Variants in PTPRD observed in about 807,000 individuals in gnomAD.
The protein encoded by PTPRD is receptor-type tyrosine-protein phosphatase delta.
Under a neutral mutation model 214.5 loss-of-function variants are expected in PTPRD, and 34 were observed. That is an observed-to-expected ratio of 0.16 (90% CI 0.12 to 0.21). The LOEUF is 0.21. Ranked by LOEUF, PTPRD falls within the 10% of genes least tolerant of loss-of-function variation. PTPRD has a pLI of 1.00. For synonymous variants in PTPRD, 1,128 were observed against 845.7 expected (o/e 1.33, Z -5.79); for missense variants, 2,545 against 2,398.7 (o/e 1.06, Z -1.27).
At chr9:8,582,068 T>A (rs1215715748) in intron 14 of PTPRD, among the ~76,000 whole-genome samples, 12 of 151,824 alleles carry the variant, frequency 7.9e-5, no homozygotes, top group Non-Finnish European at 1.8e-4. Flanking sequence ...AAATATAAAC[T>A]ATTGGAAGTG....
chr9:10,126,677 G>A (rs1181008624), intron 3 of PTPRD, among the ~76,000 whole-genome samples: 2 of 151,906 alleles, frequency 1.3e-5, no homozygotes, highest in African/African-American at 4.8e-5. Context: ...TTTATAACAT[G>A]TTCAGGAAAA....
intron 11 of PTPRD, among the ~76,000 whole-genome samples, chr9:8,875,477 T>C (rs2154211879): frequency 6.6e-6 from 1 of 152,268 alleles, no homozygotes; most frequent in Non-Finnish European, 1.5e-5. Flanking sequence ...CAGAATAACA[T>C]TAGGAATTCT....
intron 11 of PTPRD, among the ~76,000 whole-genome samples, chr9:8,849,554 C>T (rs2570304): frequency 0.36 from 54,856 of 151,912 alleles, 13,751 homozygotes; most frequent in African/African-American, 0.72. Context: ...CTCAATTCAA[C>T]GAAAAGGAAT....
chr9:9,820,381 T>C (rs2050287445), intron 5 of PTPRD, among the ~76,000 whole-genome samples: 1 of 152,182 alleles, frequency 6.6e-6, no homozygotes, highest in African/African-American at 2.4e-5. Flanking sequence ...ATTGTGAATA[T>C]TAGGCCTTTG....
At chr9:9,053,840 C>T (rs1254544391) in intron 10 of PTPRD, among the ~76,000 whole-genome samples, 1 of 152,036 alleles carries the variant, frequency 6.6e-6, no homozygotes, top group Non-Finnish European at 1.5e-5. Context: ...TTCTAATGCA[C>T]TTATGGTACA....
chr9:8,855,617 AT>A (rs1182597146), intron 11 of PTPRD, among the ~76,000 whole-genome samples: 5 of 152,194 alleles, frequency 3.3e-5, no homozygotes, highest in African/African-American at 7.2e-5. Flanking sequence ...AGAACAGATG[AT>A]TTCTATGCAA....
chr9:10,547,972 T>C (rs1216730314), intron 2 of PTPRD, among the ~76,000 whole-genome samples: 3 of 152,078 alleles, frequency 2.0e-5, no homozygotes, highest in Non-Finnish European at 4.4e-5. Flanking sequence ...AAAGACATGT[T>C]TACAAACATG....
chr9:9,934,082 T>C (rs892358329), intron 5 of PTPRD, among the ~76,000 whole-genome samples: 1 of 147,042 alleles, frequency 6.8e-6, no homozygotes, highest in Admixed American at 6.7e-5. Flanking sequence ...CAAAGCAGTG[T>C]GTAGAGGGAA....
At chr9:8,536,306 T>C (rs1461039995) in intron 14 of PTPRD, among the ~76,000 whole-genome samples, 1 of 151,988 alleles carries the variant, frequency 6.6e-6, no homozygotes, top group Admixed American at 6.6e-5. Context: ...TCCTTTACTT[T>C]TATTTTTTAA....
chr9:9,007,474 T>TTTA (rs377729535), intron 11 of PTPRD, among the ~76,000 whole-genome samples: 80,749 of 147,252 alleles, frequency 0.55, 22,043 homozygotes, highest in Non-Finnish European at 0.62. Context: ...TAAAAATATA[T>TTTA]TTTTTTTTAT....
At chr9:8,827,972 A>T (rs1305353744) in intron 11 of PTPRD, among the ~76,000 whole-genome samples, 1 of 152,194 alleles carries the variant, frequency 6.6e-6, no homozygotes, top group Non-Finnish European at 1.5e-5. Flanking sequence ...TCCCCTAAAC[A>T]ATAAGATAAT....
chr9:9,594,760 C>T (rs62534668), intron 7 of PTPRD, among the ~76,000 whole-genome samples: 1 of 151,878 alleles, frequency 6.6e-6, no homozygotes, highest in East Asian at 1.9e-4. Context: ...CGGCTTTTTG[C>T]ACAGCAAAAG....
intron 5 of PTPRD, among the ~76,000 whole-genome samples, chr9:9,924,026 C>A (rs972822505): frequency 6.6e-6 from 1 of 151,896 alleles, no homozygotes; most frequent in African/African-American, 2.4e-5. Context: ...GAAATCATCA[C>A]TAACAACTTT....
At chr9:9,064,733 C>G (rs755567592) in intron 10 of PTPRD, among the ~76,000 whole-genome samples, 9 of 152,174 alleles carry the variant, frequency 5.9e-5, no homozygotes, top group Non-Finnish European at 1.3e-4. Context: ...TTAGTATGGA[C>G]ATTCGGTCAG....
intron 9 of PTPRD, among the ~76,000 whole-genome samples, chr9:9,306,940 G>T (rs1317046261): frequency 1.3e-5 from 2 of 152,138 alleles, no homozygotes; most frequent in African/African-American, 2.4e-5. Context: ...TGAAGTCTAG[G>T]AAGAGACAAA....
intron 8 of PTPRD, among the ~76,000 whole-genome samples, chr9:9,523,152 T>TA (rs531004527): frequency 2.0e-5 from 3 of 152,274 alleles, no homozygotes; most frequent in African/African-American, 4.8e-5. Context: ...TTATAATTTT[T>TA]AAAAAAATGC....
intron 5 of PTPRD, among the ~76,000 whole-genome samples, chr9:9,826,040 G>C (rs753496881): frequency 7.9e-5 from 12 of 151,546 alleles, no homozygotes; most frequent in Non-Finnish European, 1.6e-4. Flanking sequence ...TCATAATTTT[G>C]AGTTATCTGT....
chr9:9,923,361 CA>C (rs2083216793), intron 5 of PTPRD, among the ~76,000 whole-genome samples: 1 of 148,716 alleles, frequency 6.7e-6, no homozygotes, highest in Non-Finnish European at 1.5e-5. Flanking sequence ...CGACAAAAGA[CA>C]GGAAGAGGAG....
intron 11 of PTPRD, among the ~76,000 whole-genome samples, chr9:8,935,487 C>T (rs1283189041): frequency 4.6e-5 from 7 of 152,152 alleles, no homozygotes. Flanking sequence ...TACCAGCAAA[C>T]AAGAGATTCT....
Sources: allele counts gnomAD v4.1 joint callset (sites outside exome capture counted in the v4.1 genomes callset), GRCh38; gene constraint gnomAD v4.1.1; transcripts MANE v1.5; gene names NCBI Gene and HGNC (gene_info 2026-07-23, HGNC 2026-07-21).